The following FLNB variants were observed in gnomAD, a reference collection of about 807,000 sequenced individuals.
FLNB encodes the protein filamin B, also known as filamin-B.
Under a neutral mutation model 250.6 loss-of-function variants are expected in FLNB, and 111 were observed. The observed-to-expected ratio is 0.44, with a 90% CI of 0.38 to 0.52. FLNB has a LOEUF of 0.52. FLNB is among the 20% of genes least tolerant of loss of function. The pLI, the probability that FLNB is intolerant of heterozygous loss-of-function variation, is 0.00. For missense variants in FLNB, 2,869 were observed against 3,447.8 expected (o/e 0.83, Z 4.20); for synonymous variants, 1,302 against 1,372.1 (o/e 0.95, Z 1.13).
chr3:58,147,078 C>G (rs1290259179), intron 34 of FLNB, 85 bp downstream of exon 34: 6 of 1,401,196 alleles, frequency 4.3e-6, no homozygotes, highest in Non-Finnish European at 6.0e-6. Context: ...CCCCTGGCAG[C>G]AGGCTAGACG....
chr3:58,100,369 A>ATATATATATATATATATATATATATAT (rs1559692340), intron 8 of FLNB, among the ~76,000 whole-genome samples: 2 of 26,620 alleles, frequency 7.5e-5, no homozygotes, highest in African/African-American at 6.0e-4. Context: ...ATATGTAAAA[A>ATATATATATATATATATATATATATAT]AAAAATATAT....
rs1402870625 is a variant in FLNB, at chr3:58,142,549, C to T, written c.5182-101C>T. 9.9e-7 allele frequency: 1 copy of T among 1,013,366 alleles called. No homozygotes were observed. Among genetic ancestry groups the T allele is most frequent in the East Asian group, 2.5e-5 (1 of 40,324 alleles). 62.8% of individuals were successfully genotyped at this position (1,013,366 alleles called of 1,614,324 possible). A position where few individuals can be genotyped will look rare whatever the true frequency, so the allele number is the denominator to read the frequency against. On this transcript the variant is annotated intron_variant, in intron 30 of 45. Transcript: ENST00000295956. This position sits in a 1 kb window ranked among gnomAD's most constrained non-coding sequence, Gnocchi z 4.3. ...GGGCAGCCGCATTCCCAAATCCCGG[C>T]CTCACTGGCTTGTAGAATTCCCAGC...
Position 58,123,464 on chromosome 3 carries a change from G to A in FLNB, c.3498G>A (p.Leu1166=). 6.2e-7 allele frequency: 1 copy of A among 1,607,548 alleles called. No homozygotes were observed. The highest frequency in any genetic ancestry group is 8.5e-7 in the Non-Finnish European group (1 of 1,175,542). Residue 1166 remains leucine (L), a synonymous_variant, in exon 21 of 46, where the codon CTG becomes CTA. Transcript: ENST00000295956. ...GCTCGGAAGCGGGACCGGGGGCCCT[G>A]GGCCTGGAAGCTGTCTCGGACTCGG... ...VDCSEAGPGA[L]GLEAVSDSGT... is the part of the protein sequence containing the mutation.
At chr3:58,115,426 T>G (rs907601027) in intron 18 of FLNB, among the ~76,000 whole-genome samples, 3 of 152,162 alleles carry the variant, frequency 2.0e-5, no homozygotes, top group Non-Finnish European at 2.9e-5. Flanking sequence ...CGTTAGAAAG[T>G]AAGTTGCAGA....
chr3:58,048,060 T>G (rs2097156789), intron 1 of FLNB, among the ~76,000 whole-genome samples: 1 of 152,136 alleles, frequency 6.6e-6, no homozygotes, highest in African/African-American at 2.4e-5. Context: ...AATAACATCT[T>G]GTGTAAAACT....
At chr3:58,141,085 C>CA (rs1283589722) in intron 29 of FLNB, among the ~76,000 whole-genome samples, 1,596 of 142,134 alleles carry the variant, frequency 0.011, 36 homozygotes, top group East Asian at 0.062. Flanking sequence ...CCATCTCTAC[C>CA]AAAAAAAAAA....
At chr3:58,154,507 T>C (rs2097350307) in intron 39 of FLNB, 1 of 376,458 alleles carries the variant, frequency 2.7e-6, no homozygotes, top group Admixed American at 4.1e-5. Context: ...ATTGCACCAC[T>C]GCACTCCAGC....
intron 1 of FLNB, among the ~76,000 whole-genome samples, chr3:58,018,668 C>CA (rs2097109357): frequency 6.6e-6 from 1 of 151,992 alleles, no homozygotes; most frequent in African/African-American, 2.4e-5. Context: ...GGCGCCTTGG[C>CA]ACCACAGCCA....
At chr3:58,066,746 G>C (rs1409214206) in intron 1 of FLNB, among the ~76,000 whole-genome samples, 1 of 152,110 alleles carries the variant, frequency 6.6e-6, no homozygotes, top group Non-Finnish European at 1.5e-5. Flanking sequence ...TAAAGGCATT[G>C]GGTGATGAAA....
At chr3:58,048,107 A>T (rs11707429) in intron 1 of FLNB, among the ~76,000 whole-genome samples, 39,714 of 150,178 alleles carry the variant, frequency 0.26, 6,009 homozygotes, top group Middle Eastern at 0.44. Context: ...ATGACAGTTT[A>T]AAAAAAAATG....
At chr3:58,051,512 G>T (rs1049995232) in intron 1 of FLNB, among the ~76,000 whole-genome samples, 40 of 152,272 alleles carry the variant, frequency 2.6e-4, no homozygotes, top group African/African-American at 8.7e-4. Context: ...TGTGGATAAA[G>T]GGTCGTCGTC....
intron 1 of FLNB, among the ~76,000 whole-genome samples, chr3:58,012,098 C>T (rs1399086034): frequency 1.1e-4 from 17 of 151,650 alleles, no homozygotes; most frequent in Non-Finnish European, 2.9e-5. Flanking sequence ...GTAGTCCCAG[C>T]TACTCGGGAG....
At chr3:58,121,119 G>A in intron 19 of FLNB, 122 bp from the exon 20 acceptor site, 2 of 1,247,556 alleles carry the variant, frequency 1.6e-6, no homozygotes, top group Non-Finnish European at 2.4e-6. Flanking sequence ...TGCAGCAGCT[G>A]TTGCTTACAG....
chr3:58,154,744 G>A, intron 39 of FLNB, 47 bp from the exon 40 acceptor site: 1 of 1,606,696 alleles, frequency 6.2e-7, no homozygotes, highest in South Asian at 1.1e-5. Context: ...AGAGGGACAG[G>A]GGCTCTGTGG....
intron 1 of FLNB, among the ~76,000 whole-genome samples, chr3:58,062,572 G>A (rs60112202): frequency 9.2e-5 from 14 of 152,228 alleles, no homozygotes; most frequent in Non-Finnish European, 1.6e-4. Flanking sequence ...TTGAATTTAC[G>A]GACCTTGTGT....
Position 58,142,036 on chromosome 3 carries a change from GT to G in FLNB, c.5181+108del. On this transcript the variant is annotated intron_variant, in intron 30 of 45. Coordinates refer to ENST00000295956, the MANE Select transcript of FLNB (RefSeq NM_001457.4). This position sits in a 1 kb window ranked among gnomAD's most constrained non-coding sequence, Gnocchi z 4.3. ...TTGCTTAAGCCCTGTGGGTGTCCTG[GT>G]CATTGGTGTGCCCCTCACTGATCAG... 1.1e-6 allele frequency: 1 copy of G among 895,772 alleles called. No individual in the cohort carries two copies. Among genetic ancestry groups the G allele is most frequent in the Non-Finnish European group, 1.9e-6 (1 of 535,622 alleles). The allele number at this position is 895,772 out of a possible 1,614,324, so 55.5% of individuals were successfully genotyped here.
At chr3:58,116,754 G>A (rs1380182902) in intron 18 of FLNB, among the ~76,000 whole-genome samples, 1 of 152,158 alleles carries the variant, frequency 6.6e-6, no homozygotes, top group Non-Finnish European at 1.5e-5. Flanking sequence ...GTTGTGGGTG[G>A]CTTCAAGCAG....
intron 1 of FLNB, among the ~76,000 whole-genome samples, chr3:58,036,874 C>G (rs1403738038): frequency 1.3e-5 from 2 of 152,100 alleles, no homozygotes; most frequent in Non-Finnish European, 2.9e-5. Flanking sequence ...TAGGTCTGAC[C>G]TCTTTCACTG....
chr3:58,057,519 T>C (rs2097172316), intron 1 of FLNB, among the ~76,000 whole-genome samples: 1 of 143,076 alleles, frequency 7.0e-6, no homozygotes, highest in South Asian at 2.1e-4. Flanking sequence ...TTTTGATTTG[T>C]AGGCCAGTAA....
Sources: gnomAD v4.1 joint callset for allele counts (sites outside exome capture counted in the v4.1 genomes callset) on GRCh38, gnomAD v4.1.1 for gene constraint, Gnocchi (gnomAD v3.1) non-coding constraint, MANE v1.5 for transcripts, NCBI Gene and HGNC (gene_info 2026-07-23, HGNC 2026-07-21) for gene names.